HPSE2: variants seen among roughly 807,000 people sequenced by gnomAD.
HPSE2 encodes the protein heparanase 2 (inactive).
In HPSE2, 38 loss-of-function variants were observed where a neutral mutation model predicts 60.5. The ratio of observed to expected loss-of-function variants is 0.63; its 90% CI spans 0.48 to 0.82. HPSE2 has a LOEUF of 0.82. Among genes scored for constraint, HPSE2 ranks in the 40% least tolerant of loss-of-function variants. HPSE2 has a pLI of 0.00. For missense variants in HPSE2, 713 were observed against 740.4 expected (o/e 0.96, Z 0.43); for synonymous variants, 295 against 293.2 (o/e 1.01, Z -0.06).
At chr10:99,023,774 A>G (rs950033382) in intron 3 of HPSE2, among the ~76,000 whole-genome samples, 1 of 152,264 alleles carries the variant, frequency 6.6e-6, no homozygotes, top group Admixed American at 6.5e-5. Context: ...CAAGAACCAC[A>G]GTGTTACTGG....
chr10:98,987,650 T>C (rs963986698), intron 3 of HPSE2, among the ~76,000 whole-genome samples: 3 of 151,938 alleles, frequency 2.0e-5, no homozygotes, highest in African/African-American at 7.2e-5. Context: ...CCAGGGCAAT[T>C]AGGCAGGAGA....
intron 9 of HPSE2, among the ~76,000 whole-genome samples, chr10:98,592,394 T>C (rs1189789978): frequency 6.6e-6 from 1 of 152,230 alleles, no homozygotes; most frequent in East Asian, 1.9e-4. Flanking sequence ...CGTAACTTTA[T>C]TGGGTTCTCC....
chr10:98,562,138 T>C (rs1179206952), intron 9 of HPSE2, among the ~76,000 whole-genome samples: 1 of 152,222 alleles, frequency 6.6e-6, no homozygotes, highest in East Asian at 1.9e-4. Flanking sequence ...TACTTACCAT[T>C]ACATGACAGT....
chr10:98,983,856 G>A (rs1956268473), intron 3 of HPSE2, among the ~76,000 whole-genome samples: 2 of 152,204 alleles, frequency 1.3e-5, no homozygotes, highest in Admixed American at 6.5e-5. Flanking sequence ...TCCTGCGCCT[G>A]GCTCGGAGGG....
chr10:99,029,906 G>A (rs1957462685), intron 3 of HPSE2, among the ~76,000 whole-genome samples: 1 of 152,162 alleles, frequency 6.6e-6, no homozygotes. Context: ...CTAAGTAGCG[G>A]ATGTTGTTCC....
chr10:99,055,146 T>A (rs1226313672), intron 3 of HPSE2, among the ~76,000 whole-genome samples: 1 of 152,254 alleles, frequency 6.6e-6, no homozygotes, highest in Non-Finnish European at 1.5e-5. Flanking sequence ...AAAAGCATTT[T>A]AATTGGTCAA....
chr10:98,883,113 G>A (rs1452166893), intron 3 of HPSE2, among the ~76,000 whole-genome samples: 1 of 152,122 alleles, frequency 6.6e-6, no homozygotes, highest in Non-Finnish European at 1.5e-5. Flanking sequence ...ATATGGAAGA[G>A]AGAGACAAGA....
chr10:99,030,629 C>A (rs1957478172), intron 3 of HPSE2, among the ~76,000 whole-genome samples: 1 of 152,160 alleles, frequency 6.6e-6, no homozygotes, highest in South Asian at 2.1e-4. Flanking sequence ...ATCCGGCAAT[C>A]CCACTGCTGG....
chr10:98,527,507 C>T (rs1943005697), intron 9 of HPSE2, among the ~76,000 whole-genome samples: 1 of 152,144 alleles, frequency 6.6e-6, no homozygotes, highest in South Asian at 2.1e-4. Context: ...CCTCTAGCTC[C>T]TCAAGAGCCC....
chr10:98,892,127 T>C (rs934790224), intron 3 of HPSE2, among the ~76,000 whole-genome samples: 6 of 152,132 alleles, frequency 3.9e-5, no homozygotes, highest in African/African-American at 1.4e-4. Flanking sequence ...AGTATCTGGT[T>C]AGAGGTCTTT....
intron 6 of HPSE2, among the ~76,000 whole-genome samples, chr10:98,659,848 C>A (rs1307480826): frequency 6.6e-6 from 1 of 152,128 alleles, no homozygotes; most frequent in East Asian, 1.9e-4. Context: ...ATTGAAATTA[C>A]ACAGGACAAT....
At position 98,644,666 on chromosome 10, in the gene HPSE2, G is replaced by T. The variant is rs114361809; in HGVS notation, c.1005-2726C>A. Among the ~76,000 whole-genome samples, 538 of 152,300 alleles carry T rather than the reference G, an allele frequency of 3.5e-3. 5 individuals carry two copies. Among genetic ancestry groups the T allele is most frequent in the African/African-American group, 0.012 (514 of 41,556 alleles). ...ACTAGGACTGCTTCACTGCATCACAGCTCTAATTGACGAAAAGCTCTTCTG... is the reference window on the plus strand; with the variant it reads ...ACTAGGACTGCTTCACTGCATCACATCTCTAATTGACGAAAAGCTCTTCTG... On this transcript the variant is annotated intron_variant, in intron 6 of 11. Coordinates refer to ENST00000370552, the MANE Select transcript of HPSE2 (RefSeq NM_021828.5).
At chr10:99,246,613 G>A in the HPSE2 span, among the ~76,000 whole-genome samples, 4 of 152,118 alleles carry the variant, frequency 2.6e-5, no homozygotes, top group Non-Finnish European at 5.9e-5. Context: ...CAGGTGTGGT[G>A]GAGCGTACCT....
At chr10:98,496,912 A>G (rs1463884754) in intron 9 of HPSE2, among the ~76,000 whole-genome samples, 11 of 152,102 alleles carry the variant, frequency 7.2e-5, no homozygotes, top group Admixed American at 7.2e-4. Flanking sequence ...ATTATAGGAA[A>G]ACACATCAAT....
intron 9 of HPSE2, among the ~76,000 whole-genome samples, chr10:98,555,822 A>C (rs946407815): frequency 6.6e-6 from 1 of 152,232 alleles, no homozygotes; most frequent in African/African-American, 2.4e-5. Flanking sequence ...AGCCTTAAGA[A>C]GAAGGCCATT....
chr10:99,195,452 T>C (rs747992975), intron 2 of HPSE2, among the ~76,000 whole-genome samples: 2 of 151,812 alleles, frequency 1.3e-5, no homozygotes, highest in Non-Finnish European at 2.9e-5. Context: ...AATCTTATAT[T>C]TGGAAAAAAA....
chr10:98,679,613 T>C (rs946789732), intron 6 of HPSE2, among the ~76,000 whole-genome samples: 8 of 152,276 alleles, frequency 5.3e-5, no homozygotes, highest in East Asian at 3.9e-4. Context: ...CTCATAAACA[T>C]CCAATAAGTT....
chr10:98,621,385 G>C (rs1438179626), intron 7 of HPSE2, among the ~76,000 whole-genome samples: 1 of 152,216 alleles, frequency 6.6e-6, no homozygotes, highest in East Asian at 1.9e-4. Flanking sequence ...ACAAGATGAA[G>C]ACTGACCAAA....
chr10:98,870,579 T>C (rs750436496), intron 3 of HPSE2, among the ~76,000 whole-genome samples: 12 of 152,224 alleles, frequency 7.9e-5, no homozygotes, highest in East Asian at 5.8e-4. Flanking sequence ...TAGGAAAGCA[T>C]TGAAAATACA....
Sources: allele counts gnomAD v4.1 joint callset (sites outside exome capture counted in the v4.1 genomes callset), GRCh38; gene constraint gnomAD v4.1.1; transcripts MANE v1.5; gene names NCBI Gene and HGNC (gene_info 2026-07-23, HGNC 2026-07-21).